Variants in MMS22L observed in about 807,000 individuals in gnomAD.
MMS22L encodes MMS22 like, DNA repair protein, also known as protein MMS22-like.
Under a neutral mutation model 159.1 loss-of-function variants are expected in MMS22L, and 74 were observed. That is an observed-to-expected ratio of 0.47 (90% confidence interval 0.39 to 0.56). The LOEUF (loss-of-function observed/expected upper bound fraction) is 0.56, where lower values mean the gene tolerates loss of function less well. Among genes scored for constraint, MMS22L ranks in the 20% least tolerant of loss-of-function variants. The pLI is 0.00. For missense variants in MMS22L, 1,351 were observed against 1,422.1 expected (o/e 0.95, Z 0.80); for synonymous variants, 517 against 506.9 (o/e 1.02, Z -0.27).
intron 6 of MMS22L, chr6:97,271,929 C>A (rs1815785781): frequency 1.3e-5 from 2 of 152,228 alleles, no homozygotes; most frequent in South Asian, 4.1e-4. Flanking sequence ...GCCTCAGCCA[C>A]CCAAAGTGTT....
Position 97,228,967 on chromosome 6 carries a change from G to C in MMS22L, c.1966C>G (p.Leu656Val). ...TCAGATTCTCGACATGCTCGCAGAA[G>C]CATACTAAATCCATCATTAAGCAGT... is the stretch of plus-strand genomic sequence containing the variant. ...EKLLNDGFSM[L>V]LRACRESELR... The change falls in exon 14 of 25, where the codon CTT becomes GTT. Residue 656 changes from leucine to valine, a missense_variant. Physicochemically the swap from Leu to Val is conservative, Grantham distance 32. Transcript: ENST00000683635. The C allele has an allele frequency of 6.2e-7, 1 of 1,614,122 alleles. No homozygotes were observed. Among genetic ancestry groups the C allele is most frequent in the South Asian group, 1.1e-5 (1 of 91,078 alleles).
rs1340513851 is a variant in MMS22L at position 97,231,540 on chromosome 6, T to C, written c.1415A>G (p.Gln472Arg). The change falls in exon 13 of 25, where the codon CAG (glutamine) becomes CGG (arginine). Residue 472 changes from glutamine to arginine, a missense_variant. Physicochemically the swap from Gln to Arg is conservative, Grantham distance 43. Coordinates refer to ENST00000683635, the MANE Select transcript of MMS22L (RefSeq NM_001350599.2). ...ACTACTGCTGGATTTATATAGTTCC[T>C]GATCTTGTTTATCGCAACAGCAAGT... The part of the protein sequence containing the change: ...VKTCCCDKQD[Q>R]ELYKSSSSYT... The C allele has an allele frequency of 1.9e-6, 3 of 1,613,746 alleles. No homozygotes were observed. The highest frequency in any genetic ancestry group is 1.3e-5 in the African/African-American group (1 of 74,930).
Position 97,278,835 on chromosome 6 carries a change from C to T in MMS22L, c.340+14G>A, listed in dbSNP as rs1246257618. ...GCACCATTCCCTTTTGCATTAAACA[C>T]ACCTTAAACTTACCAAAATCACAAC... On this transcript the variant is annotated intron_variant, in intron 4 of 24. Transcript: ENST00000683635. The T allele has an allele frequency of 4.3e-6, 7 of 1,610,770 alleles. No individual in the cohort carries two copies. Among genetic ancestry groups the T allele is most frequent in the African/African-American group, 1.3e-5 (1 of 74,838 alleles).
rs1441869091 is a variant in MMS22L, at chr6:97,267,974, C to T, written c.726G>A (p.Met242Ile). 2 of 1,595,532 alleles carry T rather than the reference C, an allele frequency of 1.3e-6. No individual in the cohort carries two copies. The highest frequency in any genetic ancestry group is 3.5e-5 in the Admixed American group (2 of 56,644). ...TGGTTAAATTGTCACTTGCCAGATT[C>T]ATAAACTGATGACCATATACAACTT... ...LKQVVYGHQF[M>I]NLASDNLTNI... is the part of the protein sequence containing the mutation. Residue 242 changes from methionine to isoleucine, a missense_variant, in exon 8 of 25, where the codon ATG becomes ATA. Physicochemically the swap from Met to Ile is conservative, Grantham distance 10. Transcript: ENST00000683635.
intron 14 of MMS22L, among the ~76,000 whole-genome samples, chr6:97,198,413 T>C (rs1260756261): frequency 6.6e-6 from 1 of 152,166 alleles, no homozygotes; most frequent in African/African-American, 2.4e-5. Context: ...GTAGAGCAGA[T>C]AAGAGCTGCC....
At chr6:97,158,783 T>C (rs570834877) in intron 22 of MMS22L, among the ~76,000 whole-genome samples, 3 of 152,304 alleles carry the variant, frequency 2.0e-5, no homozygotes, top group Admixed American at 2.0e-4. Flanking sequence ...AGAATGTATA[T>C]TCTGTTGATC....
rs753154842 is a variant in MMS22L, at chr6:97,228,964, G to C, written c.1969C>G (p.Leu657Val). 1 of 1,614,072 alleles carries C rather than the reference G, an allele frequency of 6.2e-7. No homozygotes were observed. Among genetic ancestry groups the C allele is most frequent in the South Asian group, 1.1e-5 (1 of 91,076 alleles). Reference protein sequence around the residue: ...KLLNDGFSMLLRACRESELRT... With the variant: ...KLLNDGFSMLVRACRESELRT... ...AGTTCAGATTCTCGACATGCTCGCA[G>C]AAGCATACTAAATCCATCATTAAGC... Residue 657 changes from leucine (L) to valine (V), a missense_variant, in exon 14 of 25, where the codon CTG becomes GTG. Leu to Val is a conservative substitution (Grantham distance 32). Transcript: ENST00000683635.
Position 97,162,011 on chromosome 6 carries a change from CACTG to C in MMS22L, c.3372_3375del (p.Ser1125AsnfsTer16). 6.2e-7 allele frequency: 1 copy of C among 1,607,084 alleles called. No homozygotes were observed. Among genetic ancestry groups the C allele is most frequent in the East Asian group, 2.2e-5 (1 of 44,738 alleles). The stretch of plus-strand genomic sequence containing the variant: ...AAGCTTACAAACAAACCTTGTGGTT[CACTG>C]ACTAACACCAAGCATTTTAAAATGC... On this transcript the variant is annotated frameshift_variant, in exon 22 of 25. Coordinates refer to ENST00000683635, the MANE Select transcript of MMS22L (RefSeq NM_001350599.2). LOFTEE classifies it high-confidence loss of function.
intron 3 of MMS22L, 40 bp from the exon 4 acceptor site, chr6:97,278,938 A>G (rs753651508): frequency 7.1e-6 from 11 of 1,548,020 alleles, no homozygotes; most frequent in South Asian, 1.2e-5. Flanking sequence ...ATTTTAGAAC[A>G]CTTTAAAGCA....
chr6:97,272,112 T>A (rs554599498), intron 6 of MMS22L: 2 of 152,320 alleles, frequency 1.3e-5, no homozygotes, highest in South Asian at 4.1e-4. Flanking sequence ...AAGCTCCCAT[T>A]TTCATAGGCA....
At chr6:97,278,637 C>G (rs1185407191) in intron 4 of MMS22L, among the ~76,000 whole-genome samples, 4 of 152,130 alleles carry the variant, frequency 2.6e-5, no homozygotes, top group African/African-American at 9.7e-5. Flanking sequence ...TCGGTTTTAC[C>G]TTTAAAATCT....
chr6:97,246,187 C>T (rs538985019), intron 11 of MMS22L: 30 of 452,654 alleles, frequency 6.6e-5, no homozygotes, highest in South Asian at 4.1e-4. Context: ...AGGTATGAAA[C>T]GAATGGTCAG....
At position 97,142,185 on chromosome 6, in the gene MMS22L, TTATA is replaced by T. The variant is rs199994944; in HGVS notation, c.*4617_*4620del. 9.9e-4 allele frequency: 151 copies of T among 151,886 alleles called. 1 individual carries two copies. In the East Asian group the frequency reaches 0.026, roughly 27 times the overall value. 9.4% of individuals were successfully genotyped at this position (151,886 alleles called of 1,614,324 possible). On this transcript the variant is annotated 3_prime_UTR_variant, in exon 25 of 25. Transcript: ENST00000683635. ...GTAAGTTACATATATACTTTTATTA[TTATA>T]TATAATTTTATCATATGCACAAATA...
intron 10 of MMS22L, among the ~76,000 whole-genome samples, chr6:97,252,675 T>G (rs1375176495): frequency 6.6e-6 from 1 of 151,480 alleles, no homozygotes; most frequent in Non-Finnish European, 1.5e-5. Context: ...GTACAATCTA[T>G]TTCATGTGTA....
At chr6:97,151,057 G>A (rs1167486863) in intron 23 of MMS22L, among the ~76,000 whole-genome samples, 1 of 152,148 alleles carries the variant, frequency 6.6e-6, no homozygotes. Context: ...AGTCAGAAAA[G>A]CAGTGACATG....
chr6:97,156,618 G>C (rs1373354753), intron 22 of MMS22L, among the ~76,000 whole-genome samples: 1 of 152,090 alleles, frequency 6.6e-6, no homozygotes, highest in Non-Finnish European at 1.5e-5. Context: ...AAGATCAGAT[G>C]GTTGTAGATG....
rs1807491242 is a variant in MMS22L at position 97,204,133 on chromosome 6, CAA to C, written c.2040-17445_2040-17444del. On this transcript the variant is annotated intron_variant, in intron 14 of 24. Coordinates refer to ENST00000683635, the MANE Select transcript of MMS22L (RefSeq NM_001350599.2). ...GAAAAAGTTGTTGTTGTTTATTAAA[CAA>C]TATTATTTGGCATGTATTTGTATTT... Among the ~76,000 whole-genome samples, 18 of 152,216 alleles carry C rather than the reference CAA, an allele frequency of 1.2e-4. 1 individual carries two copies. The South Asian group carries it at 3.7e-3, about 32-fold the overall frequency.
At chr6:97,223,856 A>G (rs764026501) in intron 14 of MMS22L, among the ~76,000 whole-genome samples, 2 of 152,192 alleles carry the variant, frequency 1.3e-5, no homozygotes, top group African/African-American at 4.8e-5. Flanking sequence ...GCAAATTACT[A>G]AAGTATGTTA....
At chr6:97,237,592 A>G (rs1260377773) in intron 11 of MMS22L, among the ~76,000 whole-genome samples, 1 of 152,216 alleles carries the variant, frequency 6.6e-6, no homozygotes, top group Non-Finnish European at 1.5e-5. Flanking sequence ...TAATACCCAC[A>G]TGGTATATAC....
Sources: gnomAD v4.1 joint callset for allele counts (sites outside exome capture counted in the v4.1 genomes callset) on GRCh38, gnomAD v4.1.1 for gene constraint, MANE v1.5 for transcripts, NCBI Gene and HGNC (gene_info 2026-07-23, HGNC 2026-07-21) for gene names.